Variants in RBFOX1 observed in about 807,000 individuals in gnomAD.
RBFOX1 encodes RNA binding fox-1 homolog 1, also known as RNA binding protein fox-1 homolog 1.
Under a neutral mutation model 57.7 loss-of-function variants are expected in RBFOX1, and 8 were observed. The observed-to-expected ratio is 0.14, with a 90% confidence interval of 0.08 to 0.25. RBFOX1 has a LOEUF of 0.25. Ranked by LOEUF, RBFOX1 falls within the 10% of genes least tolerant of loss-of-function variation. RBFOX1 has a pLI of 1.00. For missense variants in RBFOX1, 611 were observed against 548.5 expected (o/e 1.11, Z -1.14); for synonymous variants, 326 against 222.4 (o/e 1.47, Z -4.15).
At chr16:7,162,148 G>A (rs1415537773) in intron 4 of RBFOX1, among the ~76,000 whole-genome samples, 1 of 152,146 alleles carries the variant, frequency 6.6e-6, no homozygotes, top group Non-Finnish European at 1.5e-5. Context: ...GGAAGCCAGT[G>A]CTTTTCCCTT....
At chr16:6,991,383 A>T (rs764858329) in intron 3 of RBFOX1, among the ~76,000 whole-genome samples, 33 of 152,128 alleles carry the variant, frequency 2.2e-4, no homozygotes, top group Non-Finnish European at 1.8e-4. Flanking sequence ...TGCCTGGGAG[A>T]CATTAATAAG....
chr16:6,772,304 G>C (rs935830897), intron 3 of RBFOX1, among the ~76,000 whole-genome samples: 1 of 152,172 alleles, frequency 6.6e-6, no homozygotes, highest in African/African-American at 2.4e-5. Flanking sequence ...CCCTAGTACA[G>C]AGGAAGGATC....
chr16:5,384,989 T>C (rs1231588797), intron 1 of RBFOX1, among the ~76,000 whole-genome samples: 2 of 152,132 alleles, frequency 1.3e-5, no homozygotes, highest in East Asian at 3.9e-4. Context: ...CTGCAATCTT[T>C]CCCCCTCAGT....
At chr16:5,261,150 A>G (rs1267610387) in intron 1 of RBFOX1, 1 of 152,264 alleles carries the variant, frequency 6.6e-6, no homozygotes, top group Non-Finnish European at 1.5e-5. Context: ...AATAAAGGGC[A>G]TTAGCACGTC....
At chr16:6,478,845 A>C (rs2095326103) in intron 2 of RBFOX1, among the ~76,000 whole-genome samples, 1 of 152,160 alleles carries the variant, frequency 6.6e-6, no homozygotes, top group Admixed American at 6.5e-5. Context: ...AACAATTATA[A>C]TAGTACCATC....
chr16:7,496,865 A>C (rs918677696), intron 4 of RBFOX1, among the ~76,000 whole-genome samples: 3 of 152,160 alleles, frequency 2.0e-5, no homozygotes, highest in Non-Finnish European at 4.4e-5. Flanking sequence ...ATTATTTTGC[A>C]CTAGACACAG....
chr16:5,314,754 G>A (rs1596490393), intron 1 of RBFOX1, among the ~76,000 whole-genome samples: 1 of 151,138 alleles, frequency 6.6e-6, no homozygotes, highest in Admixed American at 6.6e-5. Flanking sequence ...TCCTGCTTTG[G>A]CCTCTCAAAG....
chr16:5,257,620 G>A (rs1320722782), intron 1 of RBFOX1, among the ~76,000 whole-genome samples: 2 of 152,138 alleles, frequency 1.3e-5, no homozygotes, highest in African/African-American at 2.4e-5. Flanking sequence ...TTCTGGAGGC[G>A]CATTTACTAG....
At chr16:6,022,717 A>G (rs1412718035) in intron 1 of RBFOX1, among the ~76,000 whole-genome samples, 1 of 152,176 alleles carries the variant, frequency 6.6e-6, no homozygotes, top group Non-Finnish European at 1.5e-5. Flanking sequence ...CAAACAAAAA[A>G]CAATTTGTGA....
chr16:7,441,887 C>T (rs2098770622), intron 4 of RBFOX1, among the ~76,000 whole-genome samples: 1 of 152,178 alleles, frequency 6.6e-6, no homozygotes. Flanking sequence ...TGCTCTCCTC[C>T]CACCCTTCCA....
chr16:7,490,384 A>G (rs369119216), intron 4 of RBFOX1, among the ~76,000 whole-genome samples: 3 of 152,160 alleles, frequency 2.0e-5, no homozygotes, highest in South Asian at 2.1e-4. Flanking sequence ...CAGAATCTCT[A>G]CTGGAGCTTG....
At chr16:6,476,757 A>C (rs1053245647) in intron 2 of RBFOX1, among the ~76,000 whole-genome samples, 2 of 152,210 alleles carry the variant, frequency 1.3e-5, no homozygotes, top group Non-Finnish European at 2.9e-5. Flanking sequence ...TCTTCCTTTC[A>C]TGAAATACTT....
intron 4 of RBFOX1, among the ~76,000 whole-genome samples, chr16:5,915,100 C>T (rs1474239119): frequency 6.6e-6 from 1 of 152,152 alleles, no homozygotes; most frequent in Non-Finnish European, 1.5e-5. Context: ...GTGGAAACCA[C>T]TGTGGATATT....
intron 1 of RBFOX1, among the ~76,000 whole-genome samples, chr16:6,262,096 A>G (rs1307061624): frequency 1.3e-5 from 2 of 152,134 alleles, no homozygotes; most frequent in Non-Finnish European, 2.9e-5. Flanking sequence ...CGTAGAGATG[A>G]CAAAGACAGA....
intron 4 of RBFOX1, among the ~76,000 whole-genome samples, chr16:7,444,202 G>C (rs1295849919): frequency 1.3e-5 from 2 of 152,228 alleles, no homozygotes; most frequent in Non-Finnish European, 2.9e-5. Context: ...TAAGTCTCAT[G>C]TAAATATCTT....
At chr16:7,222,558 G>T (rs185275736) in intron 4 of RBFOX1, among the ~76,000 whole-genome samples, 5 of 152,240 alleles carry the variant, frequency 3.3e-5, no homozygotes, top group Non-Finnish European at 7.4e-5. Context: ...GCAACAATTG[G>T]ATATGTGTCT....
chr16:5,841,032 C>T (rs965913727), intron 3 of RBFOX1, among the ~76,000 whole-genome samples: 3 of 152,322 alleles, frequency 2.0e-5, no homozygotes, highest in Non-Finnish European at 4.4e-5. Flanking sequence ...CTGCAGATAA[C>T]GTCTCAGGCA....
chr16:7,370,118 TG>T (rs1357939908), intron 4 of RBFOX1, among the ~76,000 whole-genome samples: 1 of 152,266 alleles, frequency 6.6e-6, no homozygotes, highest in Non-Finnish European at 1.5e-5. Context: ...CCCTGTGTAC[TG>T]TAGGACAATT....
At chr16:7,386,298 T>C (rs1431389306) in intron 4 of RBFOX1, among the ~76,000 whole-genome samples, 1 of 152,146 alleles carries the variant, frequency 6.6e-6, no homozygotes, top group Non-Finnish European at 1.5e-5. Flanking sequence ...GTTTGTTACA[T>C]AGCTATACAT....
Sources: allele counts gnomAD v4.1 joint callset (sites outside exome capture counted in the v4.1 genomes callset), GRCh38; gene constraint gnomAD v4.1.1; transcripts MANE v1.5; gene names NCBI Gene and HGNC (gene_info 2026-07-23, HGNC 2026-07-21).